The following RGL1 variants were observed in gnomAD, a reference collection of about 807,000 sequenced individuals.
RGL1 encodes ral guanine nucleotide dissociation stimulator like 1, also known as ral guanine nucleotide dissociation stimulator-like 1.
Under a neutral mutation model 95.2 loss-of-function variants are expected in RGL1, and 24 were observed. The ratio of observed to expected loss-of-function variants is 0.25; its 90% CI spans 0.18 to 0.35. RGL1 has a LOEUF of 0.35. Among genes scored for constraint, RGL1 ranks in the 10% least tolerant of loss-of-function variants. The pLI is 1.00. For synonymous variants in RGL1, 329 were observed against 344.9 expected (o/e 0.95, Z 0.51); for missense variants, 715 against 936.3 (o/e 0.76, Z 3.08).
chr1:183,907,110 C>T lies in RGL1; in HGVS notation c.1562+9C>T. On this transcript the variant is annotated intron_variant, in intron 14 of 17. Coordinates refer to ENST00000360851, the MANE Select transcript of RGL1 (RefSeq NM_001297671.3). ...GTGAAGAGACTCAGCCTGTGAGTGT[C>T]CCCTGGGGGTTCTGGGGCTCCAAGA... is the stretch of plus-strand genomic sequence containing the variant. 3.8e-6 allele frequency: 6 copies of T among 1,570,222 alleles called. No individual in the cohort carries two copies. The highest frequency in any genetic ancestry group is 5.3e-6 in the Non-Finnish European group (6 of 1,142,684).
chr1:183,890,720 T>G (rs1667367909), intron 8 of RGL1, among the ~76,000 whole-genome samples: 1 of 152,212 alleles, frequency 6.6e-6, no homozygotes, highest in Admixed American at 6.5e-5. Context: ...CAGCTACGTA[T>G]CATATACTTG....
At chr1:183,790,012 C>T (rs1660367969) in intron 2 of RGL1, among the ~76,000 whole-genome samples, 2 of 151,886 alleles carry the variant, frequency 1.3e-5, no homozygotes, top group South Asian at 2.1e-4. Flanking sequence ...CCTCCACCTC[C>T]CGGGTTCAAG....
intron 3 of RGL1, among the ~76,000 whole-genome samples, chr1:183,855,176 C>G (rs1038456201): frequency 6.6e-6 from 1 of 152,138 alleles, no homozygotes; most frequent in Admixed American, 6.5e-5. Context: ...GTGAACATTG[C>G]CCAGCCTCTG....
At chr1:183,806,250 T>G (rs1208994826) in intron 1 of RGL1, 125 bp from the exon 2 acceptor site, 3 of 649,966 alleles carry the variant, frequency 4.6e-6, no homozygotes, top group Non-Finnish European at 8.0e-6. Flanking sequence ...ATTGTAATAT[T>G]TATTTTGAAC....
At chr1:183,850,674 G>C (rs1664778127) in intron 3 of RGL1, among the ~76,000 whole-genome samples, 1 of 152,130 alleles carries the variant, frequency 6.6e-6, no homozygotes, top group Non-Finnish European at 1.5e-5. Context: ...TATAAACTTG[G>C]ATTGGTGAGG....
At chr1:183,809,942 G>A (rs111831161) in intron 2 of RGL1, among the ~76,000 whole-genome samples, 2,599 of 152,170 alleles carry the variant, frequency 0.017, 72 homozygotes, top group African/African-American at 0.057. Flanking sequence ...GAGTGAGAGA[G>A]TGAGACTCTG....
At chr1:183,667,391 C>T (rs576953992) in intron 1 of RGL1, among the ~76,000 whole-genome samples, 1 of 152,250 alleles carries the variant, frequency 6.6e-6, no homozygotes, top group East Asian at 1.9e-4. Context: ...ATGGCGCGAT[C>T]TCGGCTCACC....
At chr1:183,801,222 T>C (rs113297000), upstream of RGL1, among the ~76,000 whole-genome samples, 496 of 152,216 alleles carry the variant, frequency 3.3e-3, 2 homozygotes, top group African/African-American at 0.011. Context: ...CATCTCATTA[T>C]GGTTTTGGTG....
chr1:183,839,913 T>G (rs1287983455), intron 2 of RGL1, among the ~76,000 whole-genome samples: 1 of 152,220 alleles, frequency 6.6e-6, no homozygotes, highest in African/African-American at 2.4e-5. Flanking sequence ...CATAACAGAT[T>G]TCTTTAATCA....
intron 2 of RGL1, among the ~76,000 whole-genome samples, chr1:183,841,451 G>T (rs1198460569): frequency 1.8e-4 from 28 of 152,166 alleles, no homozygotes; most frequent in Non-Finnish European, 7.3e-5. Context: ...TAGCACAAAG[G>T]TGATTGTGAC....
chr1:183,805,379 C>A, intron 1 of RGL1, 55 bp downstream of exon 1: 1 of 1,511,650 alleles, frequency 6.6e-7, no homozygotes, highest in Non-Finnish European at 9.1e-7. Context: ...AATCTTCTCC[C>A]GCTTTCGCTG....
intron 11 of RGL1, 115 bp downstream of exon 11, chr1:183,900,351 T>C (rs1426860475): frequency 1.3e-6 from 1 of 749,400 alleles, no homozygotes; most frequent in Non-Finnish European, 2.3e-6. Flanking sequence ...GGCATTGTGC[T>C]AGCTGTTAGG....
chr1:183,823,711 G>GATA (rs1662654526), intron 2 of RGL1, among the ~76,000 whole-genome samples: 13 of 152,226 alleles, frequency 8.5e-5, no homozygotes, highest in Admixed American at 8.5e-4. Flanking sequence ...GTTATTTGAA[G>GATA]TCAATGAATA....
chr1:183,814,392 G>A (rs1374395807), intron 2 of RGL1, among the ~76,000 whole-genome samples: 1 of 152,052 alleles, frequency 6.6e-6, no homozygotes, highest in Non-Finnish European at 1.5e-5. Context: ...CAGTGGTGGT[G>A]GTTGGGGGTG....
intron 1 of RGL1, among the ~76,000 whole-genome samples, chr1:183,670,474 A>G (rs1652366885): frequency 6.6e-6 from 1 of 152,226 alleles, no homozygotes; most frequent in Admixed American, 6.5e-5. Flanking sequence ...AAAAGTGTGG[A>G]AGCCCCCATA....
chr1:183,900,832 T>C (rs1271647369), intron 11 of RGL1, among the ~76,000 whole-genome samples: 1 of 151,814 alleles, frequency 6.6e-6, no homozygotes, highest in Non-Finnish European at 1.5e-5. Context: ...TGAGGGGTTG[T>C]GATGAACAGG....
intron 5 of RGL1, 124 bp from the exon 6 acceptor site, chr1:183,883,662 C>A: frequency 1.0e-6 from 1 of 983,120 alleles, no homozygotes; most frequent in Non-Finnish European, 1.5e-6. Flanking sequence ...TTGTGGTTGT[C>A]TCCCTGTGGC....
chr1:183,765,540 C>T (rs1276041202), intron 2 of RGL1, among the ~76,000 whole-genome samples: 1 of 152,162 alleles, frequency 6.6e-6, no homozygotes, highest in Non-Finnish European at 1.5e-5. Flanking sequence ...TTATTTCAAT[C>T]CTCCTGTAGT....
intron 4 of RGL1, among the ~76,000 whole-genome samples, chr1:183,878,296 A>G (rs1421372736): frequency 6.6e-6 from 1 of 152,006 alleles, no homozygotes; most frequent in East Asian, 1.9e-4. Flanking sequence ...TCTTGGGTAC[A>G]ATCAATCCAC....
Sources: allele counts gnomAD v4.1 joint callset (sites outside exome capture counted in the v4.1 genomes callset), GRCh38; gene constraint gnomAD v4.1.1; transcripts MANE v1.5; gene names NCBI Gene and HGNC (gene_info 2026-07-23, HGNC 2026-07-21).